Variants in DNMBP observed in about 807,000 individuals in gnomAD.
DNMBP encodes the protein dynamin binding protein.
In DNMBP, 87 loss-of-function variants were observed where a neutral mutation model predicts 150.0. The observed-to-expected ratio is 0.58, with a 90% CI of 0.49 to 0.69. The LOEUF is 0.69. DNMBP is among the 30% of genes least tolerant of loss of function. The pLI, the probability that DNMBP is intolerant of heterozygous loss-of-function variation, is 0.00. For synonymous variants in DNMBP, 711 were observed against 750.4 expected, an observed-to-expected ratio of 0.95 and a Z score of 0.86; for missense variants, 1,774 against 1,949.0, an observed-to-expected ratio of 0.91 and a Z score of 1.69.
chr10:99,977,770 C>A (rs1452607316), intron 1 of DNMBP, among the ~76,000 whole-genome samples: 1 of 152,084 alleles, frequency 6.6e-6, no homozygotes, highest in Non-Finnish European at 1.5e-5. Context: ...TTATTCTTAT[C>A]TTTTAAAAAT....
At chr10:99,998,054 T>C (rs890410575) in intron 1 of DNMBP, among the ~76,000 whole-genome samples, 14 of 146,008 alleles carry the variant, frequency 9.6e-5, no homozygotes, top group African/African-American at 1.8e-4. Flanking sequence ...GCTAACACAG[T>C]GAAACCCCAT....
intron 1 of DNMBP, among the ~76,000 whole-genome samples, chr10:99,975,473 G>A (rs2040718515): frequency 6.6e-6 from 1 of 152,058 alleles, no homozygotes; most frequent in Non-Finnish European, 1.5e-5. Flanking sequence ...AATAAATCAT[G>A]CTACACAAAC....
intron 16 of DNMBP, among the ~76,000 whole-genome samples, chr10:99,878,814 C>CTT (rs1428884907): frequency 6.6e-6 from 1 of 152,152 alleles, no homozygotes; most frequent in African/African-American, 2.4e-5. Flanking sequence ...CTGAAAATGG[C>CTT]TTTAAAGCAT....
chr10:100,009,939 A>G lies in DNMBP; in HGVS notation c.-112T>C, dbSNP rs1359051795. 1 of 147,936 alleles carries G rather than the reference A, an allele frequency of 6.8e-6. No individual in the cohort carries two copies. The highest frequency in any genetic ancestry group is 2.4e-5 in the African/African-American group (1 of 40,972). 9.2% of individuals were successfully genotyped at this position (147,936 alleles called of 1,614,324 possible). A position where few individuals can be genotyped will look rare whatever the true frequency, so the allele number is the denominator to read the frequency against. On this transcript the variant is annotated 5_prime_UTR_variant, in exon 1 of 17. Coordinates refer to ENST00000324109, the MANE Select transcript of DNMBP (RefSeq NM_015221.4). Reference sequence around the variant, plus strand: ...GCCCCTGGAAGCGGCGGGCGGGTCGATCCCGTGTGAGTCAGCGCGCCGCCC... The same window carrying G: ...GCCCCTGGAAGCGGCGGGCGGGTCGGTCCCGTGTGAGTCAGCGCGCCGCCC...
intron 4 of DNMBP, among the ~76,000 whole-genome samples, chr10:99,949,414 A>G (rs958470996): frequency 6.6e-6 from 1 of 152,226 alleles, no homozygotes; most frequent in Non-Finnish European, 1.5e-5. Context: ...TTTTAAAATT[A>G]TAACTTATAC....
chr10:99,963,016 A>G (rs2040580772), intron 3 of DNMBP, among the ~76,000 whole-genome samples: 1 of 152,180 alleles, frequency 6.6e-6, no homozygotes, highest in South Asian at 2.1e-4. Flanking sequence ...TAGAACCTGG[A>G]AAGTACTTTA....
rs769468556 is a variant in DNMBP, at chr10:99,886,318, T to G, written c.3600A>C (p.Gln1200His). 1 of 1,612,266 alleles carries G rather than the reference T, an allele frequency of 6.2e-7. No homozygotes were observed. ...HCDFVHQALE[Q>H]LKPLLSLLKV... ...AACTCACCGAAAGCAGTGGCTTTAA[T>G]TGCTCCAGAGCCTGGTGCACAAAGT... Residue 1200 changes from glutamine to histidine, a missense_variant, in exon 13 of 17, where the codon CAA (glutamine) becomes CAC (histidine). Transcript: ENST00000324109.
intron 14 of DNMBP, among the ~76,000 whole-genome samples, chr10:99,884,578 C>T (rs537237729): frequency 6.2e-4 from 94 of 152,090 alleles, no homozygotes; most frequent in African/African-American, 2.2e-3. Context: ...TTGACTTCCC[C>T]ACCTGTGAAA....
chr10:99,955,132 T>C (rs1490864082), intron 4 of DNMBP, 82 bp downstream of exon 4: 2 of 1,184,644 alleles, frequency 1.7e-6, no homozygotes, highest in Non-Finnish European at 2.4e-6. Flanking sequence ...GATGGTAACA[T>C]ATCCCTAAAA....
At chr10:99,898,635 C>A in intron 8 of DNMBP, 108 bp downstream of exon 8, 1 of 1,200,934 alleles carries the variant, frequency 8.3e-7, no homozygotes, top group South Asian at 1.3e-5. Flanking sequence ...CAAGGTGAGT[C>A]TACTTCTAGG....
At position 99,955,525 on chromosome 10, in the gene DNMBP, G is replaced by A. The variant is rs768407527; in HGVS notation, c.1949C>T (p.Ser650Leu). 1.9e-6 allele frequency: 3 copies of A among 1,597,862 alleles called. No individual in the cohort carries two copies. In the Admixed American group the frequency reaches 5.2e-5, roughly 28 times the overall value. The change falls in exon 4 of 17, where the codon TCA (serine) becomes TTA (leucine). Residue 650 changes from serine to leucine, a missense_variant. This residue lies in a region of DNMBP where 1,430 missense variants were observed against 1,492.5 expected (regional missense o/e 0.96). Coordinates refer to ENST00000324109, the MANE Select transcript of DNMBP (RefSeq NM_015221.4). ...TACCGCATTCGTTCTCTGCTGTGCT[G>A]AGGGAGGCAGGGGAGCTGGGCGAGA... is the stretch of plus-strand genomic sequence containing the variant. ...RPSRPAPLPP[S>L]AQQRTNAVSP...
intron 4 of DNMBP, among the ~76,000 whole-genome samples, chr10:99,937,898 A>G (rs1370638271): frequency 6.6e-6 from 1 of 152,246 alleles, no homozygotes; most frequent in Non-Finnish European, 1.5e-5. Context: ...ACAGAGCAAC[A>G]GTGTAACAGA....
In DNMBP at chr10:99,956,031, G is replaced by A; in HGVS notation, c.1443C>T (p.Gly481=). 2 of 1,614,142 alleles carry A rather than the reference G, an allele frequency of 1.2e-6. No homozygotes were observed. Among genetic ancestry groups the A allele is most frequent in the Admixed American group, 1.7e-5 (1 of 60,014 alleles). Residue 481 remains glycine, a synonymous_variant, in exon 4 of 17, where the codon GGC becomes GGT. Coordinates refer to ENST00000324109, the MANE Select transcript of DNMBP (RefSeq NM_015221.4). ...LQKPVLPLYR[G]SSVSASRVVK... ...CTACCCTTGAAGCTGAAACAGAAGAGCCCCTGTAAAGAGGGAGCACTGGCT... is the reference window on the plus strand; with the variant it reads ...CTACCCTTGAAGCTGAAACAGAAGAACCCCTGTAAAGAGGGAGCACTGGCT...
chr10:99,899,965 CCTT>C lies in DNMBP; in HGVS notation c.2653_2655del (p.Lys885del). The C allele has an allele frequency of 1.2e-6, 2 of 1,614,118 alleles. No individual in the cohort carries two copies. Among genetic ancestry groups the C allele is most frequent in the Non-Finnish European group, 1.7e-6 (2 of 1,180,038 alleles). Reference sequence around the variant, plus strand: ...TGAAGATGCTTCTGGATCTTCTCATCCTTCTCGTAGATTTCAAGCAGCGCAATG... The same window carrying C: ...TGAAGATGCTTCTGGATCTTCTCATCCTCGTAGATTTCAAGCAGCGCAATG... On this transcript the variant is annotated inframe_deletion, in exon 7 of 17. Coordinates refer to ENST00000324109, the MANE Select transcript of DNMBP (RefSeq NM_015221.4).
chr10:99,965,426 G>A (rs1275514476), intron 3 of DNMBP, among the ~76,000 whole-genome samples: 1 of 151,302 alleles, frequency 6.6e-6, no homozygotes, highest in African/African-American at 2.4e-5. Context: ...CTTCTTAAAG[G>A]TAAGTAAGTA....
chr10:99,929,832 C>T (rs1170463743), intron 4 of DNMBP: 7 of 702,870 alleles, frequency 1.0e-5, no homozygotes, highest in Non-Finnish European at 1.8e-5. Context: ...CAGAAGGATC[C>T]TGCTGCCCCC....
chr10:99,971,045 T>C (rs1229954442), intron 2 of DNMBP, among the ~76,000 whole-genome samples: 1 of 148,478 alleles, frequency 6.7e-6, no homozygotes, highest in African/African-American at 2.5e-5. Context: ...GAATAACATG[T>C]TTTGAGAAGA....
At chr10:99,942,747 A>G (rs2040314200) in intron 4 of DNMBP, among the ~76,000 whole-genome samples, 1 of 152,084 alleles carries the variant, frequency 6.6e-6, no homozygotes. Context: ...TCAACCATCC[A>G]TCCTAAAATC....
chr10:99,967,379 A>G (rs2040629640), intron 3 of DNMBP, among the ~76,000 whole-genome samples: 2 of 152,172 alleles, frequency 1.3e-5, no homozygotes, highest in South Asian at 4.1e-4. Context: ...TACAAAAATT[A>G]GCTGGGTGTG....
Sources: allele counts gnomAD v4.1 joint callset (sites outside exome capture counted in the v4.1 genomes callset), GRCh38; gene constraint gnomAD v4.1.1; regional missense constraint gnomAD v4.1.1; transcripts MANE v1.5; gene names NCBI Gene and HGNC (gene_info 2026-07-23, HGNC 2026-07-21).